MMP28: variants seen among roughly 807,000 people sequenced by gnomAD.
The protein encoded by MMP28 is matrix metalloproteinase-28.
In MMP28, 55 loss-of-function variants were observed where a neutral mutation model predicts 60.5. The ratio of observed to expected loss-of-function variants is 0.91; its 90% CI spans 0.73 to 1.14. MMP28 has a LOEUF of 1.14. Among genes scored for constraint, MMP28 ranks in the 50% most tolerant of loss-of-function variants. The pLI, the probability that MMP28 is intolerant of heterozygous loss-of-function variation, is 0.00. For missense variants in MMP28, 686 were observed against 738.3 expected, an observed-to-expected ratio of 0.93 and a Z score of 0.82; for synonymous variants, 318 against 312.5, an observed-to-expected ratio of 1.02 and a Z score of -0.18.
Position 35,766,643 on chromosome 17 carries a change from CG to C in MMP28, c.1419del (p.Asp474MetfsTer78). ...TCTCGGAAGAAGATGATGGAGCCATCGGGCCTCGGCAGGGCGCCGCTGACCT... is the reference window on the plus strand; with the variant it reads ...TCTCGGAAGAAGATGATGGAGCCATCGGCCTCGGCAGGGCGCCGCTGACCT... ...PEEVSGALPRPDGSIIFFRDD... is the reference protein window; with the variant it reads ...PEEVSGALPRXDGSIIFFRDD... On this transcript the variant is annotated frameshift_variant, in exon 8 of 8. Transcript: ENST00000605424. LOFTEE classifies it high-confidence loss of function. This position sits in a 1 kb window ranked among gnomAD's most constrained non-coding sequence, Gnocchi z 4.3. The C allele has an allele frequency of 6.2e-7, 1 of 1,612,208 alleles. No individual in the cohort carries two copies. The highest frequency in any genetic ancestry group is 1.3e-5 in the African/African-American group (1 of 75,042).
Position 35,795,414 on chromosome 17 carries a change from C to T in MMP28, c.-37G>A. On this transcript the variant is annotated 5_prime_UTR_variant, in exon 1 of 8. Transcript: ENST00000605424. ...CGGTGCAGCCCGGCTCGGGGAGCTACTGCGCGCAGGGAACCAGCCGGCAGT... is the reference window on the plus strand; with the variant it reads ...CGGTGCAGCCCGGCTCGGGGAGCTATTGCGCGCAGGGAACCAGCCGGCAGT... The T allele has an allele frequency of 1.5e-6, 2 of 1,363,314 alleles. No individual in the cohort carries two copies. Among genetic ancestry groups the T allele is most frequent in the Non-Finnish European group, 1.9e-6 (2 of 1,058,558 alleles). 84.5% of individuals were successfully genotyped at this position (1,363,314 alleles called of 1,614,324 possible).
chr17:35,768,471 A>G (rs2086016030), intron 5 of MMP28, 92 bp from the exon 6 acceptor site: 2 of 1,044,392 alleles, frequency 1.9e-6, no homozygotes, highest in Non-Finnish European at 2.7e-6. Context: ...TACTTTCATG[A>G]TTATCTAATA....
At chr17:35,764,293 G>A, downstream of MMP28, 1 of 1,514,104 alleles carries the variant, frequency 6.6e-7, no homozygotes, top group Non-Finnish European at 8.8e-7. Context: ...GCCCCTTAGC[G>A]CTGCTGGGCG....
At chr17:35,782,440 A>C (rs1358219726) in intron 1 of MMP28, among the ~76,000 whole-genome samples, 1 of 152,222 alleles carries the variant, frequency 6.6e-6, no homozygotes, top group Non-Finnish European at 1.5e-5. Context: ...GAAGCTAGAT[A>C]CTAAGACCAG....
At chr17:35,764,232 A>G (rs1555602191), downstream of MMP28, 1 of 1,543,840 alleles carries the variant, frequency 6.5e-7, no homozygotes, top group Admixed American at 2.0e-5. Context: ...TCCAGCACCC[A>G]GCAGGTGGCG....
intron 4 of MMP28, among the ~76,000 whole-genome samples, chr17:35,772,930 T>C (rs551882972): frequency 2.6e-5 from 4 of 152,214 alleles, no homozygotes; most frequent in Non-Finnish European, 5.9e-5. Flanking sequence ...CCAGAATGCA[T>C]AATACTCTTG....
At chr17:35,763,077 G>T (rs2085855325), downstream of MMP28, among the ~76,000 whole-genome samples, 1 of 150,094 alleles carries the variant, frequency 6.7e-6, no homozygotes, top group African/African-American at 2.5e-5. Flanking sequence ...AGCCGAGATG[G>T]CACCACTGCA....
chr17:35,768,467 CATGATTATCTAAT>C, intron 5 of MMP28, 88 bp from the exon 6 acceptor site: 1 of 1,105,890 alleles, frequency 9.0e-7, no homozygotes, highest in South Asian at 1.9e-5. Context: ...TGGTTACTTT[CATGATTATCTAAT>C]ATGAGGGGCA....
chr17:35,773,155 C>T lies in MMP28; in HGVS notation c.604+25G>A, dbSNP rs750672707. 38 of 1,605,698 alleles carry T rather than the reference C, an allele frequency of 2.4e-5. 1 individual carries two copies. Among genetic ancestry groups the T allele is most frequent in the East Asian group, 6.7e-5 (3 of 44,638 alleles). On this transcript the variant is annotated intron_variant, in intron 4 of 7. Transcript: ENST00000605424. ...CAAGTTGGGTTCCCCTCCTGCTGTG[C>T]GGGAGGGAGGCTTTGTGCCAGCACC...
At chr17:35,768,683 A>G (rs1190616160) in intron 5 of MMP28, among the ~76,000 whole-genome samples, 1 of 152,144 alleles carries the variant, frequency 6.6e-6, no homozygotes, top group Non-Finnish European at 1.5e-5. Context: ...GGTGGTGCAC[A>G]CGTGTAGTCC....
downstream of MMP28, chr17:35,764,667 A>T (rs782814505): frequency 2.0e-6 from 3 of 1,511,140 alleles, no homozygotes; most frequent in South Asian, 1.3e-5. Flanking sequence ...CTGGCCCCAG[A>T]CCCCCTACCG....
intron 4 of MMP28, among the ~76,000 whole-genome samples, chr17:35,771,743 A>T (rs2086159297): frequency 1.2e-5 from 1 of 80,268 alleles, no homozygotes; most frequent in Non-Finnish European, 2.4e-5. Flanking sequence ...ATATATATAT[A>T]TATATATATA....
downstream of MMP28, chr17:35,764,593 A>C: frequency 6.3e-7 from 1 of 1,588,784 alleles, no homozygotes; most frequent in Non-Finnish European, 8.5e-7. Flanking sequence ...GATCTGGGTA[A>C]GGCGGGGGCC....
intron 1 of MMP28, among the ~76,000 whole-genome samples, chr17:35,792,263 C>A (rs1441452451): frequency 6.6e-6 from 1 of 152,068 alleles, no homozygotes; most frequent in Non-Finnish European, 1.5e-5. Flanking sequence ...GCAGTAGAAG[C>A]AATAGTAGGT....
intron 5 of MMP28, 81 bp from the exon 6 acceptor site, chr17:35,768,460 T>A: frequency 8.5e-7 from 1 of 1,181,312 alleles, no homozygotes; most frequent in South Asian, 1.8e-5. Context: ...CTTCCCTTGG[T>A]TACTTTCATG....
At chr17:35,777,264 C>G (rs908013394) in intron 3 of MMP28, among the ~76,000 whole-genome samples, 1 of 152,218 alleles carries the variant, frequency 6.6e-6, no homozygotes, top group Non-Finnish European at 1.5e-5. Context: ...CTCTTGAACT[C>G]GTAGCTCTCT....
intron 1 of MMP28, among the ~76,000 whole-genome samples, chr17:35,788,040 G>A (rs1439220699): frequency 2.0e-5 from 3 of 151,428 alleles, no homozygotes; most frequent in East Asian, 1.9e-4. Flanking sequence ...TGAGTAGCTC[G>A]GACTACAGGC....
intron 3 of MMP28, among the ~76,000 whole-genome samples, chr17:35,777,006 C>T (rs533410913): frequency 6.6e-6 from 1 of 152,350 alleles, no homozygotes; most frequent in Middle Eastern, 3.4e-3. Context: ...GAAGCAGCCC[C>T]GGAGCTCAGG....
intron 2 of MMP28, among the ~76,000 whole-genome samples, chr17:35,760,007 T>G (rs1555601220): frequency 6.6e-6 from 1 of 152,190 alleles, no homozygotes; most frequent in East Asian, 1.9e-4. Context: ...TGCCCCCTTG[T>G]GACTACGAGA....
Sources: allele counts gnomAD v4.1 joint callset (sites outside exome capture counted in the v4.1 genomes callset), GRCh38; gene constraint gnomAD v4.1.1; non-coding constraint Gnocchi (gnomAD v3.1); transcripts MANE v1.5; gene names NCBI Gene and HGNC (gene_info 2026-07-23, HGNC 2026-07-21).